Variants in AKAP7 observed in about 807,000 individuals in gnomAD.
The protein encoded by AKAP7 is A-kinase anchoring protein 7, also known as A kinase (PRKA) anchor protein 7.
A neutral mutation model predicts 39.5 loss-of-function variants in AKAP7; 39 were observed. That is an observed-to-expected ratio of 0.99 (90% CI 0.76 to 1.29). The LOEUF (loss-of-function observed/expected upper bound fraction) is 1.29. Among genes scored for constraint, AKAP7 ranks in the 50% most tolerant of loss-of-function variants. The pLI is 0.00. For synonymous variants in AKAP7, 140 were observed against 139.1 expected (o/e 1.01, Z -0.05); for missense variants, 414 against 407.7 (o/e 1.02, Z -0.13).
chr6:131,187,396 A>G (rs1805970099), intron 5 of AKAP7, among the ~76,000 whole-genome samples: 1 of 152,036 alleles, frequency 6.6e-6, no homozygotes, highest in Admixed American at 6.6e-5. Flanking sequence ...TAATTATTTT[A>G]TAATTTTATT....
intron 7 of AKAP7, among the ~76,000 whole-genome samples, chr6:131,258,377 A>G (rs968421280): frequency 1.3e-5 from 2 of 152,218 alleles, no homozygotes; most frequent in South Asian, 2.1e-4. Context: ...TGATGCTTTC[A>G]GTCTAACAAG....
intron 4 of AKAP7, 35 bp from the exon 5 acceptor site, chr6:131,169,077 TA>T: frequency 2.6e-6 from 4 of 1,531,798 alleles, no homozygotes; most frequent in Non-Finnish European, 3.6e-6. Flanking sequence ...TTTTATTACT[TA>T]ATGTGTTACT....
At chr6:131,266,294 A>G (rs1020412586) in intron 7 of AKAP7, among the ~76,000 whole-genome samples, 3 of 152,212 alleles carry the variant, frequency 2.0e-5, no homozygotes, top group East Asian at 1.9e-4. Flanking sequence ...CCTAGTACAC[A>G]TGCACTTGTT....
intron 6 of AKAP7, among the ~76,000 whole-genome samples, chr6:131,206,704 C>G (rs1808128630): frequency 6.6e-6 from 1 of 152,168 alleles, no homozygotes; most frequent in Admixed American, 6.5e-5. Context: ...CTGATGTCAT[C>G]TTTCTTCACT....
upstream of AKAP7, among the ~76,000 whole-genome samples, chr6:131,131,265 A>G (rs950624674): frequency 6.6e-6 from 1 of 152,204 alleles, no homozygotes; most frequent in Non-Finnish European, 1.5e-5. Flanking sequence ...GGGAGGTCAG[A>G]TAAGCATCTT....
chr6:131,156,003 A>T (rs151210178), intron 2 of AKAP7, among the ~76,000 whole-genome samples: 36 of 152,356 alleles, frequency 2.4e-4, no homozygotes, highest in African/African-American at 7.9e-4. Context: ...AAGTTACTTA[A>T]TTAAAAGATG....
intron 6 of AKAP7, 67 bp downstream of exon 6, chr6:131,199,640 C>G: frequency 8.0e-7 from 1 of 1,245,530 alleles, no homozygotes. Context: ...TGGTCTGGAG[C>G]ACGAGTGACA....
At chr6:131,129,217 G>A in the AKAP7 span, among the ~76,000 whole-genome samples, 1 of 151,304 alleles carries the variant, frequency 6.6e-6, no homozygotes, top group South Asian at 2.1e-4. Context: ...AACCCGAGAG[G>A]CGGAAGTTGC....
intron 6 of AKAP7, among the ~76,000 whole-genome samples, chr6:131,203,523 TTTAA>T (rs1807814260): frequency 6.6e-6 from 1 of 152,190 alleles, no homozygotes; most frequent in Admixed American, 6.5e-5. Flanking sequence ...AAAAAGTTAC[TTTAA>T]TTATAAAATT....
intron 6 of AKAP7, among the ~76,000 whole-genome samples, chr6:131,213,645 T>C (rs761564773): frequency 9.9e-5 from 15 of 152,208 alleles, no homozygotes; most frequent in Non-Finnish European, 1.6e-4. Flanking sequence ...TATAGGAATC[T>C]TTCTTGGATG....
chr6:131,178,403 A>C (rs902906645), intron 5 of AKAP7, among the ~76,000 whole-genome samples: 1 of 152,236 alleles, frequency 6.6e-6, no homozygotes, highest in Non-Finnish European at 1.5e-5. Context: ...ATAGATGGTA[A>C]CTATTATTAT....
At chr6:131,198,919 C>T (rs901838995) in intron 5 of AKAP7, among the ~76,000 whole-genome samples, 6 of 152,310 alleles carry the variant, frequency 3.9e-5, no homozygotes, top group Admixed American at 3.9e-4. Flanking sequence ...TATTCTGTCC[C>T]TTTCAGCTCC....
intron 7 of AKAP7, among the ~76,000 whole-genome samples, chr6:131,224,529 G>T (rs1328839568): frequency 6.6e-6 from 1 of 152,048 alleles, no homozygotes; most frequent in Non-Finnish European, 1.5e-5. Context: ...GTAGGTACAT[G>T]TGTGAATTTT....
At chr6:131,183,240 C>T (rs958270481) in intron 5 of AKAP7, among the ~76,000 whole-genome samples, 2 of 152,144 alleles carry the variant, frequency 1.3e-5, no homozygotes, top group Non-Finnish European at 2.9e-5. Flanking sequence ...CATGCACTGG[C>T]CCCCCACTAC....
chr6:131,165,818 A>G (rs1369591298), intron 4 of AKAP7, among the ~76,000 whole-genome samples: 1 of 152,134 alleles, frequency 6.6e-6, no homozygotes, highest in African/African-American at 2.4e-5. Flanking sequence ...ATCTGGAAGA[A>G]ACCTTGTTCT....
At chr6:131,153,721 T>G (rs1802147934) in intron 2 of AKAP7, among the ~76,000 whole-genome samples, 1 of 152,190 alleles carries the variant, frequency 6.6e-6, no homozygotes, top group Non-Finnish European at 1.5e-5. Context: ...TTGTTCATAT[T>G]GGAGTGTGAG....
At position 131,257,668 on chromosome 6, in the gene AKAP7, C is replaced by T. The variant is rs1585192387; in HGVS notation, c.851-23862C>T. On this transcript the variant is annotated intron_variant, in intron 7 of 7. Transcript: ENST00000431975. The stretch of plus-strand genomic sequence containing the variant: ...GCCTGTCTTCCTTTTGGGTTGTGAG[C>T]AGAAAGGCTGTCATCCTAAGATCAC... Among the ~76,000 whole-genome samples the T allele has an allele frequency of 2.0e-5, 3 of 152,186 alleles. No individual in the cohort carries two copies. In the Middle Eastern group the frequency reaches 0.01, roughly 518 times the overall value.
At chr6:131,251,673 T>C (rs892482411) in intron 7 of AKAP7, among the ~76,000 whole-genome samples, 11 of 152,346 alleles carry the variant, frequency 7.2e-5, no homozygotes, top group African/African-American at 2.6e-4. Flanking sequence ...TCTCCAAACA[T>C]TGGAAACTGT....
At chr6:131,247,197 A>AAAGCCTCTAACATTATCTAGCTC (rs1262885548) in intron 7 of AKAP7, among the ~76,000 whole-genome samples, 5 of 148,318 alleles carry the variant, frequency 3.4e-5, no homozygotes, top group Non-Finnish European at 5.9e-5. Flanking sequence ...TGCTTATGAA[A>AAAGCCTCTAACATTATCTAGCTC]AAGCCTCTAA....
Sources: allele counts gnomAD v4.1 joint callset (sites outside exome capture counted in the v4.1 genomes callset), GRCh38; gene constraint gnomAD v4.1.1; transcripts MANE v1.5; gene names NCBI Gene and HGNC (gene_info 2026-07-23, HGNC 2026-07-21).